Variants in PPM1A observed in about 807,000 individuals in gnomAD.
PPM1A encodes the protein protein phosphatase 1A.
PPM1A carries 7 observed loss-of-function variants against 35.0 expected under a neutral mutation model. The ratio of observed to expected loss-of-function variants is 0.20; its 90% CI spans 0.11 to 0.38. The LOEUF is 0.38. Among genes scored for constraint, PPM1A ranks in the 10% least tolerant of loss-of-function variants. The pLI, the probability that PPM1A is intolerant of heterozygous loss-of-function variation, is 1.00. For synonymous variants in PPM1A, 153 were observed against 167.3 expected (o/e 0.91, Z 0.66); for missense variants, 239 against 467.8 (o/e 0.51, Z 4.51).
At chr14:60,261,527 C>G (rs1883742236) in intron 1 of PPM1A, among the ~76,000 whole-genome samples, 1 of 152,080 alleles carries the variant, frequency 6.6e-6, no homozygotes, top group Non-Finnish European at 1.5e-5. Flanking sequence ...CATGTGTTCT[C>G]TTTGGTTTGT....
intron 4 of PPM1A, among the ~76,000 whole-genome samples, chr14:60,290,669 A>C (rs570641574): frequency 6.6e-6 from 1 of 152,220 alleles, no homozygotes; most frequent in East Asian, 1.9e-4. Flanking sequence ...AAGATATATT[A>C]TTGACTAATT....
In PPM1A at chr14:60,289,209, A is replaced by G. The variant is rs1003595072; in HGVS notation, c.953-597A>G. ...GTGAAGGAAATGGTATTATATATCT[A>G]TACAGTATATTGTTTAAAGGTACTT... On this transcript the variant is annotated intron_variant, in intron 3 of 5. Coordinates refer to ENST00000395076, the MANE Select transcript of PPM1A (RefSeq NM_021003.5). The surrounding 1 kb of genome is among the most constrained non-coding windows in gnomAD (Gnocchi z 4.1). Among the ~76,000 whole-genome samples the G allele has an allele frequency of 2.6e-5, 4 of 152,138 alleles. No homozygotes were observed. The highest frequency in any genetic ancestry group is 2.9e-5 in the Non-Finnish European group (2 of 67,986).
At chr14:60,279,545 A>T (rs904060218) in intron 1 of PPM1A, among the ~76,000 whole-genome samples, 3 of 152,210 alleles carry the variant, frequency 2.0e-5, no homozygotes, top group Non-Finnish European at 4.4e-5. Context: ...ATCTATAATT[A>T]GAAGTGGAAT....
Position 60,273,761 on chromosome 14 carries a change from G to A in PPM1A, c.-20-8923G>A, listed in dbSNP as rs1298074314. 6.6e-6 allele frequency among the ~76,000 whole-genome samples: 1 copy of A among 152,176 alleles called. No individual in the cohort carries two copies. The highest frequency in any genetic ancestry group is 1.9e-4 in the East Asian group (1 of 5,188). Reference sequence around the variant, plus strand: ...GGACAGATTTGAGAATGCTTAGGAAGCATATAACCCATGGGATTTGATGAT... The same window carrying A: ...GGACAGATTTGAGAATGCTTAGGAAACATATAACCCATGGGATTTGATGAT... On this transcript the variant is annotated intron_variant, in intron 1 of 5. Transcript: ENST00000395076. This position sits in a 1 kb window ranked among gnomAD's most constrained non-coding sequence, Gnocchi z 4.3.
chr14:60,266,586 G>A (rs1884404497), intron 1 of PPM1A, among the ~76,000 whole-genome samples: 1 of 152,138 alleles, frequency 6.6e-6, no homozygotes, highest in African/African-American at 2.4e-5. Context: ...GGCAGGAGTG[G>A]AAAAGATCAG....
At chr14:60,253,998 C>T (rs994328631) in intron 1 of PPM1A, among the ~76,000 whole-genome samples, 5 of 152,044 alleles carry the variant, frequency 3.3e-5, no homozygotes, top group African/African-American at 1.2e-4. Context: ...ATACTTTTGT[C>T]GTAAGGTTAT....
intron 1 of PPM1A, among the ~76,000 whole-genome samples, chr14:60,271,052 C>T (rs1389855099): frequency 6.6e-6 from 1 of 152,212 alleles, no homozygotes; most frequent in Non-Finnish European, 1.5e-5. Context: ...ACGGTGTCAC[C>T]AAGAATGTGC....
chr14:60,245,861 G>C (rs1265692961), upstream of PPM1A: 1 of 1,591,532 alleles, frequency 6.3e-7, no homozygotes, highest in Non-Finnish European at 8.6e-7. This position sits in a 1 kb window ranked among gnomAD's most constrained non-coding sequence, Gnocchi z 4.2. Flanking sequence ...TTCTGTTCTG[G>C]GAGAAAATGG....
intron 3 of PPM1A, chr14:60,288,501 G>A: frequency 1.0e-6 from 1 of 983,556 alleles, no homozygotes; most frequent in Non-Finnish European, 1.2e-6. Flanking sequence ...GAACCATGTA[G>A]AACAAATATA....
At chr14:60,246,006 C>A (rs1881761606), upstream of PPM1A, 1 of 1,580,360 alleles carries the variant, frequency 6.3e-7, no homozygotes, top group Non-Finnish European at 8.6e-7. Flanking sequence ...AAAGAGGAAA[C>A]CAAATGAAGA....
chr14:60,246,161 C>A (rs1033394133), upstream of PPM1A: 2 of 999,260 alleles, frequency 2.0e-6, no homozygotes. Context: ...ATACTAGCCT[C>A]CTGAGGGGGT....
chr14:60,286,052 G>A (rs562833738), intron 3 of PPM1A: 34 of 1,016,602 alleles, frequency 3.3e-5, no homozygotes, highest in South Asian at 1.8e-4. Context: ...ATTTTATGCC[G>A]GGAAAATCTG....
At chr14:60,260,122 T>TA (rs960792013) in intron 1 of PPM1A, among the ~76,000 whole-genome samples, 68 of 151,952 alleles carry the variant, frequency 4.5e-4, no homozygotes, top group Admixed American at 2.4e-3. Context: ...AATTTTGGGG[T>TA]AAAAAAAATG....
In PPM1A at chr14:60,268,359, C is replaced by G. The variant is rs565619814; in HGVS notation, c.-20-14325C>G. On this transcript the variant is annotated intron_variant, in intron 1 of 5. Transcript: ENST00000395076. ...TTTGTTTTCCGAGAACTGTTACTTTCCTCCATATTTTCAAATTTATTAACA... is the reference window on the plus strand; with the variant it reads ...TTTGTTTTCCGAGAACTGTTACTTTGCTCCATATTTTCAAATTTATTAACA... 8.2e-6 allele frequency: 8 copies of G among 973,840 alleles called. No homozygotes were observed. In the South Asian group the frequency reaches 3.3e-4, roughly 40 times the overall value. 60.3% of individuals were successfully genotyped at this position (973,840 alleles called of 1,614,324 possible). A position where few individuals can be genotyped will look rare whatever the true frequency, so the allele number is the denominator to read the frequency against.
At position 60,294,217 on chromosome 14, in the gene PPM1A, T is replaced by C. The variant is rs1566612980; in HGVS notation, c.*1735T>C. ...TAATGTGAAATGTCTCAGATTTAAG[T>C]AGTTAAATACCAGCAAAATCTTTTC... On this transcript the variant is annotated 3_prime_UTR_variant, in exon 6 of 6. Coordinates refer to ENST00000395076, the MANE Select transcript of PPM1A (RefSeq NM_021003.5). 6.6e-6 allele frequency: 1 copy of C among 151,918 alleles called. No homozygotes were observed. The allele number at this position is 151,918 out of a possible 1,614,324, so 9.4% of individuals were successfully genotyped here. A position where few individuals can be genotyped will look rare whatever the true frequency, so the allele number is the denominator to read the frequency against.
At chr14:60,271,263 G>A (rs10129773) in intron 1 of PPM1A, among the ~76,000 whole-genome samples, 58,771 of 151,938 alleles carry the variant, frequency 0.39, 12,983 homozygotes, top group African/African-American at 0.61. Context: ...AGGACATGTG[G>A]GTTCACTTAG....
intron 3 of PPM1A, chr14:60,287,974 A>G (rs1298449818): frequency 2.0e-6 from 2 of 983,590 alleles, no homozygotes; most frequent in Non-Finnish European, 2.4e-6. Flanking sequence ...CTATATATAA[A>G]TATTCTTTAG....
intron 1 of PPM1A, among the ~76,000 whole-genome samples, chr14:60,266,382 C>G (rs1884381658): frequency 6.6e-6 from 1 of 152,090 alleles, no homozygotes; most frequent in South Asian, 2.1e-4. Context: ...TCTGGAGTCA[C>G]TTTTTCTTAT....
In PPM1A at chr14:60,287,152, C is replaced by A. The variant is rs973309369; in HGVS notation, c.952+1411C>A. 10 of 939,960 alleles carry A rather than the reference C, an allele frequency of 1.1e-5. No individual in the cohort carries two copies. The East Asian group carries it at 1.0e-3, about 99-fold the overall frequency. The allele number at this position is 939,960 out of a possible 1,614,324, so 58.2% of individuals were successfully genotyped here. On this transcript the variant is annotated intron_variant, in intron 3 of 5. Coordinates refer to ENST00000395076, the MANE Select transcript of PPM1A (RefSeq NM_021003.5). ...TAATATTTTTACTATGAAATGGGAT[C>A]CAATTTTAGAAATGAATTGCTACTT...
Sources: allele counts gnomAD v4.1 joint callset (sites outside exome capture counted in the v4.1 genomes callset), GRCh38; gene constraint gnomAD v4.1.1; non-coding constraint Gnocchi (gnomAD v3.1); transcripts MANE v1.5; gene names NCBI Gene and HGNC (gene_info 2026-07-23, HGNC 2026-07-21).